Variants in NOTCH2 observed in about 807,000 individuals in gnomAD.
NOTCH2 encodes the protein notch receptor 2, also known as neurogenic locus notch homolog protein 2.
Under a neutral mutation model 235.8 loss-of-function variants are expected in NOTCH2, and 29 were observed. The ratio of observed to expected loss-of-function variants is 0.12; its 90% CI spans 0.09 to 0.17. The LOEUF (loss-of-function observed/expected upper bound fraction) is 0.17, where lower values mean the gene tolerates loss of function less well. Ranked by LOEUF, NOTCH2 falls within the 10% of genes least tolerant of loss-of-function variation. The pLI, the probability that NOTCH2 is intolerant of heterozygous loss-of-function variation, is 1.00. For missense variants in NOTCH2, 2,285 were observed against 3,150.2 expected (o/e 0.73, Z 6.57); for synonymous variants, 1,086 against 1,141.5 (o/e 0.95, Z 0.98).
rs991165109 is a variant in NOTCH2 at position 119,913,094 on chromosome 1, T to C, written c.*2212A>G. Reference sequence around the variant, plus strand: ...TGTGGTCCACAGAGGTCCATGCAGATAGGTTCTCCCCATCTGTGAATAATA... The same window carrying C: ...TGTGGTCCACAGAGGTCCATGCAGACAGGTTCTCCCCATCTGTGAATAATA... On this transcript the variant is annotated 3_prime_UTR_variant, in exon 34 of 34. Coordinates refer to ENST00000256646, the MANE Select transcript of NOTCH2 (RefSeq NM_024408.4). The C allele has an allele frequency of 1.7e-5, 4 of 233,098 alleles. No individual in the cohort carries two copies. Among genetic ancestry groups the C allele is most frequent in the Non-Finnish European group, 3.4e-5 (4 of 118,056 alleles). 14.4% of individuals were successfully genotyped at this position (233,098 alleles called of 1,614,324 possible).
chr1:119,935,715 T>C, intron 21 of NOTCH2, 111 bp from the exon 22 acceptor site: 1 of 1,200,824 alleles, frequency 8.3e-7, no homozygotes, highest in Non-Finnish European at 1.2e-6. Context: ...CCTCCTAATT[T>C]AGCTTTTGTA....
In NOTCH2 at chr1:119,915,966, A is replaced by G. The variant is rs757326375; in HGVS notation, c.6756T>C (p.Asp2252=). The change falls in exon 34 of 34, where the codon GAT becomes GAC. Residue 2252 remains aspartate, a synonymous_variant. Transcript: ENST00000256646. ...CATTCACCTCCATGCGGTTCATCCA[A>G]TCTGCTGGGACTGGGACTGGATGGA... ...SRLHPVPVPA[D]WMNRMEVNET... 2.5e-5 allele frequency: 41 copies of G among 1,614,078 alleles called. No individual in the cohort carries two copies. The highest frequency in any genetic ancestry group is 3.3e-5 in the Non-Finnish European group (39 of 1,180,022).
In NOTCH2 at chr1:119,922,217, T is replaced by A; in HGVS notation, c.5213+19A>T. ...CCTACTTATACTGTGAATAGTGGCT[T>A]ATTGGCAATGCCTCTTACTTCAGCC... On this transcript the variant is annotated intron_variant, in intron 28 of 33. Coordinates refer to ENST00000256646, the MANE Select transcript of NOTCH2 (RefSeq NM_024408.4). 6.2e-7 allele frequency: 1 copy of A among 1,611,654 alleles called. No individual in the cohort carries two copies. The highest frequency in any genetic ancestry group is 1.1e-5 in the South Asian group (1 of 91,012).
chr1:120,029,095 C>A (rs1434273654), intron 2 of NOTCH2, among the ~76,000 whole-genome samples: 3 of 121,692 alleles, frequency 2.5e-5, no homozygotes, highest in South Asian at 2.6e-4. Flanking sequence ...ATAATACACA[C>A]CCAAAGCCCC....
intron 1 of NOTCH2, among the ~76,000 whole-genome samples, chr1:120,067,540 C>A (rs868961232): frequency 7.9e-5 from 12 of 152,162 alleles, no homozygotes; most frequent in South Asian, 2.1e-4. Context: ...CCCTACAATT[C>A]TCTAAAGCAG....
chr1:119,979,392 C>T (rs1651723671), intron 5 of NOTCH2, among the ~76,000 whole-genome samples: 1 of 152,160 alleles, frequency 6.6e-6, no homozygotes, highest in Admixed American at 6.5e-5. Context: ...CATTGCATTT[C>T]CCTAGAATAG....
At position 119,911,845 on chromosome 1, in the gene NOTCH2, A is replaced by C. The variant is rs368943468; in HGVS notation, c.*3461T>G. 53 of 233,276 alleles carry C rather than the reference A, an allele frequency of 2.3e-4. No individual in the cohort carries two copies. The highest frequency in any genetic ancestry group is 1.1e-3 in the African/African-American group (48 of 45,480). The allele number at this position is 233,276 out of a possible 1,614,324, so 14.5% of individuals were successfully genotyped here. ...ATGGCTAGTGCACAGAAGAGTGCTCAGTTTTGTGATGTTTCCTATTTGACA... is the reference window on the plus strand; with the variant it reads ...ATGGCTAGTGCACAGAAGAGTGCTCCGTTTTGTGATGTTTCCTATTTGACA... On this transcript the variant is annotated 3_prime_UTR_variant, in exon 34 of 34. Transcript: ENST00000256646.
At position 120,069,421 on chromosome 1, in the gene NOTCH2, C is replaced by T. The variant is rs782682960; in HGVS notation, c.-15G>A. On this transcript the variant is annotated 5_prime_UTR_variant, in exon 1 of 34. Coordinates refer to ENST00000256646, the MANE Select transcript of NOTCH2 (RefSeq NM_024408.4). ...AGGGCGGGCATCTTCTCGGTCGCCT[C>T]CTCCTCCGCCGCCGCCGCCGCCGCC... 1.3e-6 allele frequency: 2 copies of T among 1,538,632 alleles called. No individual in the cohort carries two copies. Among genetic ancestry groups the T allele is most frequent in the South Asian group, 2.4e-5 (2 of 84,626 alleles).
chr1:119,937,300 A>T lies in NOTCH2; in HGVS notation c.3504T>A (p.Ile1168=). The part of the protein sequence containing the change: ...CQHGATCSDF[I]GGYRCECVPG... ...TCCTCACCTCGCATCTGTATCCACC[A>T]ATGAAGTCACTGCATGTTGCCCCGT... Residue 1168 remains isoleucine, a synonymous_variant, in exon 21 of 34, where the codon ATT becomes ATA. Transcript: ENST00000256646. 1 of 1,613,622 alleles carries T rather than the reference A, an allele frequency of 6.2e-7. No homozygotes were observed. Among genetic ancestry groups the T allele is most frequent in the East Asian group, 2.2e-5 (1 of 44,884 alleles).
At chr1:119,963,166 A>AGAAGGAAG (rs782001960) in intron 11 of NOTCH2, among the ~76,000 whole-genome samples, 8,526 of 93,498 alleles carry the variant, frequency 0.091, 336 homozygotes, top group African/African-American at 0.11. Flanking sequence ...GAAGAAGGGA[A>AGAAGGAAG]GAAGGAAGGT....
chr1:120,006,875 C>G (rs587664104), intron 2 of NOTCH2, among the ~76,000 whole-genome samples: 1 of 152,048 alleles, frequency 6.6e-6, no homozygotes, highest in Non-Finnish European at 1.5e-5. Context: ...CTTTCATTAA[C>G]CATTGGTTGG....
intron 1 of NOTCH2, among the ~76,000 whole-genome samples, chr1:120,067,486 TAATA>T (rs200569299): frequency 0.033 from 4,939 of 151,710 alleles, no homozygotes; most frequent in East Asian, 0.11. Context: ...TCATATTATT[TAATA>T]CTTAATTTTT....
intron 19 of NOTCH2, among the ~76,000 whole-genome samples, chr1:119,939,952 T>G (rs1044078063): frequency 6.6e-6 from 1 of 152,258 alleles, no homozygotes; most frequent in South Asian, 2.1e-4. Context: ...TAACATTAAA[T>G]TAAACACAGG....
intron 1 of NOTCH2, chr1:120,054,153 A>G (rs2101406747): frequency 6.7e-6 from 1 of 148,298 alleles, no homozygotes; most frequent in Middle Eastern, 3.5e-3. Flanking sequence ...CTCTCCTTCA[A>G]CATTCAACTA....
In NOTCH2 at chr1:119,967,799, G is replaced by C. The variant is rs145227725; in HGVS notation, c.1265-178C>G. On this transcript the variant is annotated intron_variant, in intron 7 of 33. Transcript: ENST00000256646. Reference sequence around the variant, plus strand: ...AAATAAAAGCGGAGTATCCTCAACTGTTATGCATTTCTGCTATTGCAGTTT... The same window carrying C: ...AAATAAAAGCGGAGTATCCTCAACTCTTATGCATTTCTGCTATTGCAGTTT... Among the ~76,000 whole-genome samples the C allele has an allele frequency of 2.2e-3, 337 of 152,128 alleles. 1 individual carries two copies. Among genetic ancestry groups the C allele is most frequent in the African/African-American group, 7.5e-3 (311 of 41,494 alleles).
intron 1 of NOTCH2, among the ~76,000 whole-genome samples, chr1:120,048,784 A>C (rs1411707845): frequency 9.8e-5 from 8 of 81,986 alleles, no homozygotes; most frequent in African/African-American, 4.4e-4. Flanking sequence ...AATCTTGGGT[A>C]AACTACTAAC....
At chr1:120,010,509 AACTCCACCATTT>A (rs1209700504) in intron 2 of NOTCH2, among the ~76,000 whole-genome samples, 100 of 151,606 alleles carry the variant, frequency 6.6e-4, no homozygotes, top group African/African-American at 2.4e-3. Flanking sequence ...TTTCAATCCC[AACTCCACCATTT>A]ACTCAATGTG....
chr1:120,040,819 C>T (rs587745082), intron 1 of NOTCH2, among the ~76,000 whole-genome samples: 186 of 149,684 alleles, frequency 1.2e-3, no homozygotes, highest in African/African-American at 4.2e-3. Flanking sequence ...GGGCGGATCA[C>T]GAGGTCAGGA....
At chr1:119,996,942 A>G in intron 4 of NOTCH2, 55 bp downstream of exon 4, 1 of 1,583,880 alleles carries the variant, frequency 6.3e-7, no homozygotes, top group South Asian at 1.1e-5. Flanking sequence ...CACACCCACT[A>G]CCTCCTGTGC....
Sources: allele counts gnomAD v4.1 joint callset (sites outside exome capture counted in the v4.1 genomes callset), GRCh38; gene constraint gnomAD v4.1.1; transcripts MANE v1.5; gene names NCBI Gene and HGNC (gene_info 2026-07-23, HGNC 2026-07-21).